The following ANK2 variants were observed in gnomAD, a reference collection of about 807,000 sequenced individuals.
The protein encoded by ANK2 is ankyrin-2.
ANK2 carries 83 observed loss-of-function variants against 360.5 expected under a neutral mutation model. That is an observed-to-expected ratio of 0.23 (90% CI 0.19 to 0.28). The LOEUF is 0.28. ANK2 is among the 10% of genes least tolerant of loss of function. The probability of loss-of-function intolerance (pLI) is 1.00; values close to 1 mark genes in which losing one functional copy is unlikely to be tolerated. For missense variants in ANK2, 4,201 were observed against 4,795.7 expected (o/e 0.88, Z 3.66); for synonymous variants, 1,740 against 1,759.5 (o/e 0.99, Z 0.28).
intron 2 of ANK2, among the ~76,000 whole-genome samples, chr4:112,953,947 G>A (rs906853109): frequency 1.0e-4 from 15 of 147,280 alleles, no homozygotes; most frequent in East Asian, 4.0e-4. Flanking sequence ...GTCTCCCCCC[G>A]CCCCCGTCTT....
chr4:113,069,076 G>A (rs551715997), intron 1 of ANK2, among the ~76,000 whole-genome samples: 3 of 150,766 alleles, frequency 2.0e-5, no homozygotes, highest in African/African-American at 4.9e-5. Flanking sequence ...AAGAAAAGAA[G>A]AGAAAAGAAA....
chr4:113,093,974 A>C (rs142126169), intron 1 of ANK2, among the ~76,000 whole-genome samples: 22 of 152,308 alleles, frequency 1.4e-4, no homozygotes, highest in African/African-American at 5.3e-4. Context: ...CAAATTCATA[A>C]TTAACTTGGC....
rs769675253 is a variant in ANK2 at position 113,353,613 on chromosome 4, A to G, written c.4995A>G (p.Lys1665=). 11 of 1,613,992 alleles carry G rather than the reference A, an allele frequency of 6.8e-6. No homozygotes were observed. The highest frequency in any genetic ancestry group is 1.7e-5 in the Admixed American group (1 of 59,994). Residue 1665 remains lysine (K), a synonymous_variant, in exon 38 of 46, where the codon AAA becomes AAG. Transcript: ENST00000357077. ...LQTVQDKAGK[K]CEALAVGRSS... ...CAGTTCAAGATAAGGCAGGGAAGAA[A>G]TGTGAGGCTCTGGCTGTTGGCAGGA...
the ANK2 span, among the ~76,000 whole-genome samples, chr4:112,744,211 T>G: frequency 1.3e-5 from 2 of 152,198 alleles, no homozygotes; most frequent in Non-Finnish European, 2.9e-5. Context: ...TTGTTTCTGA[T>G]TGAACATCTC....
At chr4:113,278,390 G>C (rs2061028382) in intron 16 of ANK2, 70 bp from the exon 17 acceptor site, 1 of 1,303,634 alleles carries the variant, frequency 7.7e-7, no homozygotes, top group Non-Finnish European at 1.1e-6. Flanking sequence ...TCAGTTTCCA[G>C]GCATCCTGGT....
At chr4:112,955,957 A>G (rs1360227674) in intron 2 of ANK2, among the ~76,000 whole-genome samples, 1 of 152,238 alleles carries the variant, frequency 6.6e-6, no homozygotes, top group Non-Finnish European at 1.5e-5. Context: ...AAGTAATGGT[A>G]ACCAAAACCA....
chr4:113,193,184 C>T (rs993093438), intron 2 of ANK2, among the ~76,000 whole-genome samples: 19 of 152,132 alleles, frequency 1.2e-4, no homozygotes, highest in Non-Finnish European at 2.4e-4. Context: ...TTAGTAAATA[C>T]CACATTAAAT....
chr4:112,714,414 C>T, the ANK2 span, among the ~76,000 whole-genome samples: 1 of 152,144 alleles, frequency 6.6e-6, no homozygotes, highest in Non-Finnish European at 1.5e-5. Flanking sequence ...AACTCCTGGC[C>T]TTGAGCAATC....
At chr4:112,928,049 A>G (rs1561136213) in intron 2 of ANK2, among the ~76,000 whole-genome samples, 2 of 152,218 alleles carry the variant, frequency 1.3e-5, no homozygotes, top group Non-Finnish European at 2.9e-5. Flanking sequence ...AAAATAAAAA[A>G]GAAGTACACT....
In ANK2 at chr4:113,130,718, T is replaced by G. The variant is rs1488424242; in HGVS notation, c.85-43698T>G. 2.0e-5 allele frequency among the ~76,000 whole-genome samples: 3 copies of G among 152,206 alleles called. No homozygotes were observed. In the East Asian group the frequency reaches 5.8e-4, roughly 29 times the overall value. ...GCTCTGCACCTAATAACCATAGGTT[T>G]CTATATCACATCATCTTTGCCTAAG... is the stretch of plus-strand genomic sequence containing the variant. On this transcript the variant is annotated intron_variant, in intron 1 of 45. Transcript: ENST00000357077.
chr4:113,378,602 CTTTCT>C (rs1296266133), intron 45 of ANK2, among the ~76,000 whole-genome samples: 1 of 152,156 alleles, frequency 6.6e-6, no homozygotes. Context: ...ATGGTATGTG[CTTTCT>C]TTTAACAGCT....
chr4:112,760,648 C>T, the ANK2 span, among the ~76,000 whole-genome samples: 2 of 151,764 alleles, frequency 1.3e-5, no homozygotes, highest in African/African-American at 4.8e-5. Context: ...CCCATTAACT[C>T]GTCATTTAGC....
chr4:112,826,840 C>A, intron 1 of ANK2: 1 of 1,320,978 alleles, frequency 7.6e-7, no homozygotes, highest in Non-Finnish European at 1.1e-6. Context: ...GAGAATGGAA[C>A]AATATGCTTC....
intron 1 of ANK2, among the ~76,000 whole-genome samples, chr4:113,152,097 A>AC (rs1365650074): frequency 5.1e-4 from 76 of 148,072 alleles, no homozygotes; most frequent in African/African-American, 1.8e-3. Context: ...AAAAAAAAGA[A>AC]AAAAGAAGGA....
intron 13 of ANK2, among the ~76,000 whole-genome samples, chr4:113,260,748 T>A (rs2052381863): frequency 6.6e-6 from 1 of 152,248 alleles, no homozygotes; most frequent in Non-Finnish European, 1.5e-5. Flanking sequence ...TTTAGAGGAA[T>A]TTAACTTTCT....
At chr4:113,248,112 T>C (rs889261193) in intron 9 of ANK2, among the ~76,000 whole-genome samples, 12 of 152,322 alleles carry the variant, frequency 7.9e-5, no homozygotes, top group African/African-American at 2.9e-4. Flanking sequence ...AAAATCTGTT[T>C]TGGTTATTCA....
At chr4:112,849,849 G>T (rs1038158191) in intron 1 of ANK2, among the ~76,000 whole-genome samples, 2 of 152,200 alleles carry the variant, frequency 1.3e-5, no homozygotes, top group African/African-American at 2.4e-5. Context: ...GTCTGTGAGG[G>T]TGTTTCCAAA....
At chr4:112,995,777 G>C (rs571845310) in intron 2 of ANK2, among the ~76,000 whole-genome samples, 1 of 152,150 alleles carries the variant, frequency 6.6e-6, no homozygotes, top group Non-Finnish European at 1.5e-5. Flanking sequence ...TATGGTGATA[G>C]GTAGGGGTCC....
chr4:113,284,091 G>A (rs1247108019), intron 18 of ANK2, among the ~76,000 whole-genome samples: 1 of 152,120 alleles, frequency 6.6e-6, no homozygotes, highest in Admixed American at 6.5e-5. Context: ...TTTAAAGCAC[G>A]ATGAGAGCAA....
Sources: allele counts gnomAD v4.1 joint callset (sites outside exome capture counted in the v4.1 genomes callset), GRCh38; gene constraint gnomAD v4.1.1; transcripts MANE v1.5; gene names NCBI Gene and HGNC (gene_info 2026-07-23, HGNC 2026-07-21).